The following B3GALT1 variants were observed in gnomAD, a reference collection of about 807,000 sequenced individuals.
B3GALT1 encodes the protein beta-1,3-galactosyltransferase 1.
A neutral mutation model predicts 23.2 loss-of-function variants in B3GALT1; 10 were observed. The observed-to-expected ratio is 0.43, with a 90% confidence interval of 0.27 to 0.73. The LOEUF is 0.73. B3GALT1 is among the 30% of genes least tolerant of loss of function. The pLI, the probability that B3GALT1 is intolerant of heterozygous loss-of-function variation, is 0.21. For synonymous variants in B3GALT1, 156 were observed against 141.5 expected (o/e 1.10, Z -0.73); for missense variants, 299 against 405.4 (o/e 0.74, Z 2.25).
intron 2 of B3GALT1, among the ~76,000 whole-genome samples, chr2:167,625,950 T>TATATAC (rs1403640574): frequency 1.1e-4 from 2 of 18,668 alleles, no homozygotes; most frequent in African/African-American, 2.5e-4. Flanking sequence ...GCCATATATA[T>TATATAC]ATATATATAT....
chr2:167,433,585 T>C (rs995276269), intron 1 of B3GALT1, among the ~76,000 whole-genome samples: 3 of 152,164 alleles, frequency 2.0e-5, no homozygotes, highest in African/African-American at 4.8e-5. Context: ...TCTGAAGTTA[T>C]GGAAGAAATT....
chr2:167,613,268 A>T (rs892453650), intron 2 of B3GALT1, among the ~76,000 whole-genome samples: 1 of 151,960 alleles, frequency 6.6e-6, no homozygotes, highest in Non-Finnish European at 1.5e-5. Flanking sequence ...AGAAATGTAT[A>T]TACTACAGAA....
intron 4 of B3GALT1, among the ~76,000 whole-genome samples, chr2:167,843,581 A>G (rs1483564820): frequency 1.3e-5 from 2 of 152,182 alleles, no homozygotes; most frequent in Non-Finnish European, 1.5e-5. Context: ...TCATTCCTGG[A>G]CAAGCTCTGA....
chr2:167,402,001 C>T (rs545473890), intron 1 of B3GALT1, among the ~76,000 whole-genome samples: 133 of 152,152 alleles, frequency 8.7e-4, no homozygotes, highest in African/African-American at 3.1e-3. Flanking sequence ...GAGACAGTCC[C>T]TAATTTTGAA....
At chr2:167,830,203 C>T (rs1288916204) in intron 4 of B3GALT1, among the ~76,000 whole-genome samples, 1 of 152,096 alleles carries the variant, frequency 6.6e-6, no homozygotes, top group African/African-American at 2.4e-5. Context: ...CTCTGCAGCC[C>T]TCAACACTTG....
At chr2:167,362,300 G>C (rs1697511501) in intron 1 of B3GALT1, among the ~76,000 whole-genome samples, 1 of 152,072 alleles carries the variant, frequency 6.6e-6, no homozygotes, top group Non-Finnish European at 1.5e-5. Context: ...AATGTAATTA[G>C]TCCCATGAAA....
At chr2:167,460,252 T>G (rs1699238797) in intron 1 of B3GALT1, among the ~76,000 whole-genome samples, 2 of 152,210 alleles carry the variant, frequency 1.3e-5, no homozygotes, top group Admixed American at 1.3e-4. Context: ...CTGTTTTGCT[T>G]GATGGTGTCC....
chr2:167,564,568 G>A (rs1684111829), intron 2 of B3GALT1, among the ~76,000 whole-genome samples: 2 of 152,148 alleles, frequency 1.3e-5, no homozygotes, highest in Admixed American at 1.3e-4. Flanking sequence ...TCCAGCCTGG[G>A]CACCACCGAG....
intron 2 of B3GALT1, among the ~76,000 whole-genome samples, chr2:167,635,906 C>T (rs1186204957): frequency 6.6e-6 from 1 of 152,004 alleles, no homozygotes; most frequent in Non-Finnish European, 1.5e-5. Context: ...GCAAAAAGAA[C>T]AAAGCTGGAG....
At chr2:167,852,258 A>G (rs547063416) in intron 4 of B3GALT1, among the ~76,000 whole-genome samples, 1 of 152,284 alleles carries the variant, frequency 6.6e-6, no homozygotes, top group African/African-American at 2.4e-5. Flanking sequence ...CTTCTTAGAG[A>G]CACAATTTAC....
intron 3 of B3GALT1, among the ~76,000 whole-genome samples, chr2:167,729,690 A>G (rs573602960): frequency 6.0e-4 from 91 of 152,254 alleles, no homozygotes; most frequent in African/African-American, 2.1e-3. Flanking sequence ...ATTTCTATCA[A>G]TCATCACATC....
intron 1 of B3GALT1, among the ~76,000 whole-genome samples, chr2:167,304,752 T>C (rs924239095): frequency 1.3e-5 from 2 of 152,042 alleles, no homozygotes; most frequent in African/African-American, 4.8e-5. Flanking sequence ...AATTGGCTTA[T>C]GTGGTTAGGG....
At chr2:167,838,406 G>C (rs922039976) in intron 4 of B3GALT1, among the ~76,000 whole-genome samples, 103 of 150,884 alleles carry the variant, frequency 6.8e-4, no homozygotes, top group Admixed American at 7.9e-4. Context: ...CACCTCTACG[G>C]AAATAAACTA....
intron 3 of B3GALT1, among the ~76,000 whole-genome samples, chr2:167,669,057 T>G (rs1011646450): frequency 6.6e-6 from 1 of 152,200 alleles, no homozygotes; most frequent in Admixed American, 6.5e-5. Flanking sequence ...ACTGCCTTTC[T>G]CTTTATCTTT....
chr2:167,789,051 C>T lies in B3GALT1; in HGVS notation c.-351-29621C>T, dbSNP rs556215461. 1.3e-3 allele frequency among the ~76,000 whole-genome samples: 203 copies of T among 152,250 alleles called. 1 individual carries two copies. Among genetic ancestry groups the T allele is most frequent in the African/African-American group, 4.4e-3 (183 of 41,540 alleles). On this transcript the variant is annotated intron_variant, in intron 3 of 4. Transcript: ENST00000392690. The stretch of plus-strand genomic sequence containing the variant: ...ATCATTCTAGTCCTGTAACAGCTCC[C>T]TCGATTTCTTTCAAGCTAAAGACTT...
At chr2:167,333,993 T>C (rs1394687538) in intron 1 of B3GALT1, among the ~76,000 whole-genome samples, 3 of 152,156 alleles carry the variant, frequency 2.0e-5, no homozygotes, top group Non-Finnish European at 2.9e-5. Flanking sequence ...TTTTTTACTT[T>C]CCAGATAATA....
chr2:167,349,333 T>C (rs1027075783), intron 1 of B3GALT1, among the ~76,000 whole-genome samples: 1 of 152,202 alleles, frequency 6.6e-6, no homozygotes, highest in African/African-American at 2.4e-5. Flanking sequence ...CCGTCTGTTA[T>C]CAAATCTGTT....
chr2:167,337,284 A>G (rs956346650), intron 1 of B3GALT1, among the ~76,000 whole-genome samples: 2 of 152,080 alleles, frequency 1.3e-5, no homozygotes, highest in Non-Finnish European at 2.9e-5. Context: ...ATTTCAGTAT[A>G]TAAAATTATT....
chr2:167,346,788 G>T (rs57893073), intron 1 of B3GALT1, among the ~76,000 whole-genome samples: 2 of 151,480 alleles, frequency 1.3e-5, no homozygotes, highest in Non-Finnish European at 2.9e-5. Flanking sequence ...GTGTGTGTGC[G>T]TATACCTGTA....
Sources: gnomAD v4.1 joint callset for allele counts (sites outside exome capture counted in the v4.1 genomes callset) on GRCh38, gnomAD v4.1.1 for gene constraint, MANE v1.5 for transcripts, NCBI Gene and HGNC (gene_info 2026-07-23, HGNC 2026-07-21) for gene names.